PARP11: variants seen among roughly 807,000 people sequenced by gnomAD.
The protein encoded by PARP11 is protein mono-ADP-ribosyltransferase PARP11.
In PARP11, 31 loss-of-function variants were observed where a neutral mutation model predicts 42.9. That is an observed-to-expected ratio of 0.72 (90% CI 0.54 to 0.98). PARP11 has a LOEUF of 0.98. Among genes scored for constraint, PARP11 ranks in the 50% least tolerant of loss-of-function variants. The probability of loss-of-function intolerance (pLI) is 0.00; values close to 1 mark genes in which losing one functional copy is unlikely to be tolerated. For missense variants in PARP11, 365 were observed against 413.1 expected, an observed-to-expected ratio of 0.88 and a Z score of 1.01; for synonymous variants, 137 against 127.3, an observed-to-expected ratio of 1.08 and a Z score of -0.51.
In PARP11 at chr12:3,812,256, A is replaced by G. The variant is rs754871412; in HGVS notation, c.884T>C (p.Met295Thr). Residue 295 changes from methionine to threonine, a missense_variant, in exon 8 of 8, where the codon ATG (methionine) becomes ACG (threonine). Transcript: ENST00000228820. ...GDYINGDSKY[M>T]RPPSKDGSYV... is the part of the protein sequence containing the mutation. Reference sequence around the variant, plus strand: ...GCTCCCGTCTTTGGAAGGAGGTCGCATGTATTTGGAGTCTCCGTTTATGTA... The same window carrying G: ...GCTCCCGTCTTTGGAAGGAGGTCGCGTGTATTTGGAGTCTCCGTTTATGTA... 8 of 1,614,084 alleles carry G rather than the reference A, an allele frequency of 5.0e-6. No homozygotes were observed. The East Asian group carries it at 1.6e-4, about 31-fold the overall frequency.
chr12:3,852,452 T>G (rs1948115566), intron 1 of PARP11, among the ~76,000 whole-genome samples: 4 of 152,170 alleles, frequency 2.6e-5, no homozygotes, highest in Admixed American at 6.5e-5. Context: ...AATGACCTGA[T>G]GGAGCTGAAA....
chr12:3,843,719 C>T, intron 1 of PARP11, among the ~76,000 whole-genome samples: 1 of 152,176 alleles, frequency 6.6e-6, no homozygotes, highest in East Asian at 1.9e-4. Flanking sequence ...TGTACTCTGT[C>T]CTCATTTGGA....
chr12:3,840,629 A>G lies in PARP11; in HGVS notation c.19-10611T>C, dbSNP rs1345733473. ...GAATCTAACTATTGCTACTTCTCAG[A>G]GTAGCAATCCATGTGTCCAGAGAAA... On this transcript the variant is annotated intron_variant, in intron 1 of 7. Transcript: ENST00000228820. This position sits in a 1 kb window ranked among gnomAD's most constrained non-coding sequence, Gnocchi z 4.4. 3 of 1,234,358 alleles carry G rather than the reference A, an allele frequency of 2.4e-6. No individual in the cohort carries two copies. In the East Asian group the frequency reaches 7.0e-5, roughly 29 times the overall value. The allele number at this position is 1,234,358 out of a possible 1,614,324, so 76.5% of individuals were successfully genotyped here. A position where few individuals can be genotyped will look rare whatever the true frequency, so the allele number is the denominator to read the frequency against.
intron 1 of PARP11, chr12:3,864,083 T>C (rs144180274): frequency 6.6e-6 from 1 of 152,340 alleles, no homozygotes; most frequent in African/African-American, 2.4e-5. Context: ...CCCTTCCACA[T>C]ACCGTCCATC....
In PARP11 at chr12:3,840,542, C is replaced by T; in HGVS notation, c.19-10524G>A. 1.2e-6 allele frequency: 2 copies of T among 1,601,196 alleles called. No individual in the cohort carries two copies. The highest frequency in any genetic ancestry group is 1.7e-6 in the Non-Finnish European group (2 of 1,168,228). On this transcript the variant is annotated intron_variant, in intron 1 of 7. Transcript: ENST00000228820. The surrounding 1 kb of genome is among the most constrained non-coding windows in gnomAD (Gnocchi z 4.4). ...GAGCACAAAAATCTTAGCCGGACAC[C>T]TTCACAGATCATAAGAAAACCTGAT...
At chr12:3,839,668 C>T (rs1344549247) in intron 1 of PARP11, 6 of 963,042 alleles carry the variant, frequency 6.2e-6, no homozygotes, top group South Asian at 1.3e-5. Flanking sequence ...TAATCTGGAA[C>T]CTAATGTTTC....
intron 1 of PARP11, 100 bp downstream of exon 1, chr12:3,873,112 G>A (rs1948523645): frequency 7.8e-6 from 9 of 1,159,754 alleles, no homozygotes; most frequent in Non-Finnish European, 1.1e-5. Context: ...TCAACACCCA[G>A]ACTGAAGCGA....
At chr12:3,832,430 T>G (rs1318738427) in intron 1 of PARP11, among the ~76,000 whole-genome samples, 1 of 152,190 alleles carries the variant, frequency 6.6e-6, no homozygotes, top group African/African-American at 2.4e-5. Flanking sequence ...CTCCTGAACA[T>G]CACTTCTTCC....
intron 1 of PARP11, among the ~76,000 whole-genome samples, chr12:3,834,615 C>G (rs373730442): frequency 4.1e-5 from 5 of 121,714 alleles, no homozygotes; most frequent in East Asian, 4.9e-4. Flanking sequence ...GCCTGGGCGA[C>G]AAGAGCGACA....
At chr12:3,870,553 A>T (rs1024085115) in intron 1 of PARP11, among the ~76,000 whole-genome samples, 2 of 152,220 alleles carry the variant, frequency 1.3e-5, no homozygotes, top group African/African-American at 4.8e-5. Context: ...TGTATGTGTG[A>T]CGCAGGAGGG....
intron 1 of PARP11, among the ~76,000 whole-genome samples, chr12:3,870,052 T>C (rs1054799283): frequency 6.6e-6 from 1 of 152,230 alleles, no homozygotes; most frequent in African/African-American, 2.4e-5. Context: ...CAGTACAGTA[T>C]GCAACTTAAA....
At chr12:3,814,654 G>A (rs1035356141) in intron 6 of PARP11, among the ~76,000 whole-genome samples, 2 of 152,118 alleles carry the variant, frequency 1.3e-5, no homozygotes, top group African/African-American at 2.4e-5. Context: ...AGGGTTGGGA[G>A]GGACATTAAG....
intron 1 of PARP11, among the ~76,000 whole-genome samples, chr12:3,862,844 AT>A (rs1247338851): frequency 1.3e-5 from 2 of 152,114 alleles, no homozygotes; most frequent in African/African-American, 4.8e-5. Context: ...ACATTGAATC[AT>A]TAAATCAGGT....
intron 1 of PARP11, among the ~76,000 whole-genome samples, chr12:3,844,418 T>C (rs1317313710): frequency 6.6e-6 from 1 of 152,220 alleles, no homozygotes; most frequent in Non-Finnish European, 1.5e-5. Context: ...TCCTCCACTT[T>C]CAGCTTATGC....
At chr12:3,824,843 T>A (rs1947483943) in intron 4 of PARP11, among the ~76,000 whole-genome samples, 1 of 152,226 alleles carries the variant, frequency 6.6e-6, no homozygotes, top group African/African-American at 2.4e-5. Context: ...TTTATTATAT[T>A]ATTTGTACTA....
At chr12:3,857,913 T>C (rs369333986) in intron 1 of PARP11, among the ~76,000 whole-genome samples, 1 of 152,210 alleles carries the variant, frequency 6.6e-6, no homozygotes, top group African/African-American at 2.4e-5. Flanking sequence ...AAAAATATAT[T>C]CTTGAATAGC....
chr12:3,812,579 TAAGAG>T (rs1947204226), intron 7 of PARP11, 140 bp from the exon 8 acceptor site: 2 of 647,192 alleles, frequency 3.1e-6, no homozygotes, highest in Admixed American at 5.9e-5. Context: ...TGCAGATCTT[TAAGAG>T]AAGAATAGAA....
At chr12:3,826,623 G>A (rs921740769) in intron 3 of PARP11, among the ~76,000 whole-genome samples, 2 of 152,176 alleles carry the variant, frequency 1.3e-5, no homozygotes, top group Non-Finnish European at 2.9e-5. Context: ...GGTTTATTAA[G>A]AAGAAAAATG....
At chr12:3,830,958 A>C (rs1947627136) in intron 1 of PARP11, among the ~76,000 whole-genome samples, 1 of 152,206 alleles carries the variant, frequency 6.6e-6, no homozygotes, top group Non-Finnish European at 1.5e-5. Context: ...AGTTTTAAAC[A>C]TTCTTGGTTG....
Sources: gnomAD v4.1 joint callset for allele counts (sites outside exome capture counted in the v4.1 genomes callset) on GRCh38, gnomAD v4.1.1 for gene constraint, Gnocchi (gnomAD v3.1) non-coding constraint, MANE v1.5 for transcripts, NCBI Gene and HGNC (gene_info 2026-07-23, HGNC 2026-07-21) for gene names.